ARID1B: variants seen among roughly 807,000 people sequenced by gnomAD.
ARID1B encodes AT-rich interaction domain 1B, also known as AT-rich interactive domain-containing protein 1B.
Under a neutral mutation model 212.3 loss-of-function variants are expected in ARID1B, and 30 were observed. The observed-to-expected ratio is 0.14, with a 90% CI of 0.11 to 0.19. ARID1B has a LOEUF of 0.19. ARID1B is among the 10% of genes least tolerant of loss of function. ARID1B has a pLI of 1.00. For missense variants in ARID1B, 2,891 were observed against 3,204.0 expected, an observed-to-expected ratio of 0.90 and a Z score of 2.36; for synonymous variants, 1,402 against 1,301.7, an observed-to-expected ratio of 1.08 and a Z score of -1.66.
chr6:156,992,594 G>A (rs989148633), intron 4 of ARID1B, among the ~76,000 whole-genome samples: 10 of 152,178 alleles, frequency 6.6e-5, no homozygotes, highest in African/African-American at 1.4e-4. Flanking sequence ...CACCAGGGCC[G>A]TAGGTTTTGG....
At chr6:157,161,314 A>AT (rs1200766662) in intron 8 of ARID1B, among the ~76,000 whole-genome samples, 1 of 152,062 alleles carries the variant, frequency 6.6e-6, no homozygotes, top group African/African-American at 2.4e-5. Context: ...TTGAAATTAC[A>AT]TTATTTTGCC....
At chr6:157,171,172 C>T (rs867156355) in intron 9 of ARID1B, among the ~76,000 whole-genome samples, 5 of 152,290 alleles carry the variant, frequency 3.3e-5, no homozygotes, top group Middle Eastern at 6.8e-3. Flanking sequence ...GGAATAGCTG[C>T]CTTAGGACCT....
At position 157,206,380 on chromosome 6, in the gene ARID1B, G is replaced by A. The variant is rs1322306509; in HGVS notation, c.5608G>A (p.Asp1870Asn). Residue 1870 changes from aspartate (D) to asparagine (N), a missense_variant, in exon 20 of 20, where the codon GAT (aspartate) becomes AAT (asparagine). Asp to Asn is a conservative substitution (Grantham distance 23). Transcript: ENST00000636930. The surrounding 1 kb of genome is among the most constrained non-coding windows in gnomAD (Gnocchi z 6.8). ...TGATGACGACGAGGAAGACGAGGAG[G>A]ATGAGGAGGAAGACAGCGAGAAGAC... is the stretch of plus-strand genomic sequence containing the variant. Reference protein sequence around the residue: ...CIDDDEEDEEDEEEDSEKTES... With the variant: ...CIDDDEEDEENEEEDSEKTES... 6.2e-7 allele frequency: 1 copy of A among 1,614,056 alleles called. No homozygotes were observed. The highest frequency in any genetic ancestry group is 8.5e-7 in the Non-Finnish European group (1 of 1,180,042).
In ARID1B at chr6:156,872,480, C is replaced by A. The variant is rs1005164133; in HGVS notation, c.1987-28896C>A. On this transcript the variant is annotated intron_variant, in intron 2 of 19. Coordinates refer to ENST00000636930, the MANE Select transcript of ARID1B (RefSeq NM_001374828.1). ...AGGATTACAGGCGCGCACCACCACG[C>A]CCAGTTAATTTTGTATTTTTAGTAG... Among the ~76,000 whole-genome samples the A allele has an allele frequency of 2.0e-5, 3 of 152,088 alleles. No individual in the cohort carries two copies. In the East Asian group the frequency reaches 5.8e-4, roughly 29 times the overall value.
Position 156,829,322 on chromosome 6 carries a change from A to G in ARID1B, c.1887A>G (p.Pro629=). 6.2e-7 allele frequency: 1 copy of G among 1,614,220 alleles called. No individual in the cohort carries two copies. The highest frequency in any genetic ancestry group is 2.2e-5 in the East Asian group (1 of 44,888). Residue 629 remains proline, a synonymous_variant, in exon 2 of 20, where the codon CCA becomes CCG. Transcript: ENST00000636930. ...HSQPQQSSPY[P]GGSYGPPGPQ... ...AGCCTCAGCAGAGCAGTCCGTACCC[A>G]GGAGGTTCCTATGGCCCTCCAGGCC...
chr6:157,209,683 C>T lies in ARID1B; in HGVS notation c.*1792C>T, dbSNP rs1257651019. On this transcript the variant is annotated 3_prime_UTR_variant, in exon 20 of 20. Coordinates refer to ENST00000636930, the MANE Select transcript of ARID1B (RefSeq NM_001374828.1). ...TTATTTTGCATTTAGTTTACTCCAC[C>T]GTGTATAATATTTATACTGTGCAAT... 3 of 232,968 alleles carry T rather than the reference C, an allele frequency of 1.3e-5. No individual in the cohort carries two copies. The highest frequency in any genetic ancestry group is 2.2e-5 in the African/African-American group (1 of 45,304). The allele number at this position is 232,968 out of a possible 1,614,324, so 14.4% of individuals were successfully genotyped here. A position where few individuals can be genotyped will look rare whatever the true frequency, so the allele number is the denominator to read the frequency against.
chr6:156,987,153 C>A (rs868238489), intron 4 of ARID1B, among the ~76,000 whole-genome samples: 1 of 122,846 alleles, frequency 8.1e-6, no homozygotes, highest in Admixed American at 8.6e-5. Context: ...ACTGTAGCCT[C>A]GGTGACAGAG....
At chr6:156,885,479 G>A (rs911229506) in intron 2 of ARID1B, among the ~76,000 whole-genome samples, 1 of 152,190 alleles carries the variant, frequency 6.6e-6, no homozygotes, top group African/African-American at 2.4e-5. Context: ...TCTACCTTCA[G>A]TAAGTCCTCC....
At chr6:156,782,743 C>T (rs1237456354) in intron 1 of ARID1B, among the ~76,000 whole-genome samples, 2 of 151,908 alleles carry the variant, frequency 1.3e-5, no homozygotes, top group African/African-American at 4.8e-5. Context: ...ATTTTTGTGG[C>T]CTAAATTTAT....
At chr6:157,197,292 C>T (rs1397494758) in intron 16 of ARID1B, among the ~76,000 whole-genome samples, 1 of 152,256 alleles carries the variant, frequency 6.6e-6, no homozygotes, top group Non-Finnish European at 1.5e-5. Flanking sequence ...GAGCTGACTT[C>T]GGGATCGCGG....
chr6:157,073,529 G>A (rs769765534), intron 4 of ARID1B, among the ~76,000 whole-genome samples: 8 of 152,212 alleles, frequency 5.3e-5, no homozygotes, highest in Non-Finnish European at 8.8e-5. Context: ...GTTAATATGT[G>A]GATGTATGTA....
At chr6:156,882,811 C>T (rs905648408) in intron 2 of ARID1B, among the ~76,000 whole-genome samples, 1 of 152,178 alleles carries the variant, frequency 6.6e-6, no homozygotes, top group African/African-American at 2.4e-5. Flanking sequence ...AAGGTGATAT[C>T]AGTGACAACA....
intron 4 of ARID1B, among the ~76,000 whole-genome samples, chr6:157,004,897 CTTTTTTTTTTTTTT>C (rs1177807875): frequency 1.8e-5 from 1 of 54,740 alleles, no homozygotes; most frequent in Admixed American, 2.3e-4. Context: ...CTTCTTTTTT[CTTTTTTTTTTTTTT>C]TTTTTTTTTT....
At chr6:156,967,931 A>G (rs777229972) in intron 4 of ARID1B, among the ~76,000 whole-genome samples, 4 of 152,188 alleles carry the variant, frequency 2.6e-5, no homozygotes, top group Non-Finnish European at 5.9e-5. Context: ...TTTGTCATTG[A>G]TATATGCAAA....
chr6:156,862,705 G>C (rs901874106), intron 2 of ARID1B, among the ~76,000 whole-genome samples: 2 of 152,156 alleles, frequency 1.3e-5, no homozygotes, highest in African/African-American at 4.8e-5. Context: ...CGGTAGATGT[G>C]GACGGCTCTT....
At chr6:156,982,232 C>T (rs1377230327) in intron 4 of ARID1B, among the ~76,000 whole-genome samples, 1 of 152,084 alleles carries the variant, frequency 6.6e-6, no homozygotes, top group African/African-American at 2.4e-5. Context: ...AGCAATCCTG[C>T]ATGGAAATAA....
At chr6:156,895,678 A>T (rs187490043) in intron 2 of ARID1B, among the ~76,000 whole-genome samples, 272 of 152,304 alleles carry the variant, frequency 1.8e-3, no homozygotes, top group African/African-American at 6.2e-3. Flanking sequence ...AGAAAAGTAC[A>T]GAAGCAAATA....
intron 9 of ARID1B, 34 bp downstream of exon 9, chr6:157,167,219 C>G (rs776777895): frequency 6.3e-7 from 1 of 1,588,660 alleles, no homozygotes; most frequent in African/African-American, 1.3e-5. Flanking sequence ...CTGAGCCCCT[C>G]TCTCTCCCCT....
intron 2 of ARID1B, among the ~76,000 whole-genome samples, chr6:156,878,429 C>T (rs564818924): frequency 2.5e-4 from 38 of 152,338 alleles, no homozygotes; most frequent in Non-Finnish European, 4.9e-4. Context: ...ACTTGTACCT[C>T]CATATCGCCC....
Sources: allele counts gnomAD v4.1 joint callset (sites outside exome capture counted in the v4.1 genomes callset), GRCh38; gene constraint gnomAD v4.1.1; non-coding constraint Gnocchi (gnomAD v3.1); transcripts MANE v1.5; gene names NCBI Gene and HGNC (gene_info 2026-07-23, HGNC 2026-07-21).